The following CNBD1 variants were observed in gnomAD, a reference collection of about 807,000 sequenced individuals.
The protein encoded by CNBD1 is cyclic nucleotide binding domain containing 1, also known as cyclic nucleotide-binding domain-containing protein 1.
A neutral mutation model predicts 54.4 loss-of-function variants in CNBD1; 71 were observed. The observed-to-expected ratio is 1.30, with a 90% CI of 1.08 to 1.59. CNBD1 has a LOEUF of 1.59. Ranked by LOEUF, CNBD1 falls within the 40% of genes most tolerant of loss-of-function variation. The pLI, the probability that CNBD1 is intolerant of heterozygous loss-of-function variation, is 0.00. For missense variants in CNBD1, 659 were observed against 518.0 expected, an observed-to-expected ratio of 1.27 and a Z score of -2.64; for synonymous variants, 182 against 170.7, an observed-to-expected ratio of 1.07 and a Z score of -0.51.
intron 4 of CNBD1, among the ~76,000 whole-genome samples, chr8:87,121,166 C>G (rs1186418665): frequency 1.3e-5 from 2 of 151,502 alleles, no homozygotes; most frequent in Non-Finnish European, 3.0e-5. Flanking sequence ...GTAAAAGGCC[C>G]TACAGTTAAA....
chr8:87,397,205 A>G (rs925009290), intron 2 of CNBD1, among the ~76,000 whole-genome samples: 1 of 151,794 alleles, frequency 6.6e-6, no homozygotes, highest in African/African-American at 2.4e-5. Context: ...CAGAGCTGCA[A>G]AGTTTATTTA....
At chr8:87,364,927 A>C (rs931728791) in intron 10 of CNBD1, among the ~76,000 whole-genome samples, 1 of 152,062 alleles carries the variant, frequency 6.6e-6, no homozygotes, top group African/African-American at 2.4e-5. Flanking sequence ...TGTCTTTGCT[A>C]TTATGAGCAG....
intron 4 of CNBD1, among the ~76,000 whole-genome samples, chr8:86,954,617 C>T (rs1807712649): frequency 1.3e-5 from 2 of 152,180 alleles, no homozygotes; most frequent in Admixed American, 6.5e-5. Context: ...ACATTTTACT[C>T]TCCTTACACA....
chr8:87,346,661 T>A (rs1810182295), intron 8 of CNBD1, among the ~76,000 whole-genome samples: 1 of 152,162 alleles, frequency 6.6e-6, no homozygotes, highest in Admixed American at 6.5e-5. Context: ...ATAGTGACTA[T>A]GTGCTGATAT....
Position 87,376,668 on chromosome 8 carries a change from A to AT in CNBD1, c.1304-5951dup, listed in dbSNP as rs368574994. 3.0e-3 allele frequency among the ~76,000 whole-genome samples: 460 copies of AT among 152,104 alleles called. 5 individuals carry two copies. The highest frequency in any genetic ancestry group is 9.9e-3 in the African/African-American group (413 of 41,546). ...ATAGCTAAAGCAGTGATTATTTACT[A>AT]TATTAAAGTGTTTTTCTGCATTATT... On this transcript the variant is annotated intron_variant, in intron 10 of 10. Transcript: ENST00000518476.
chr8:86,979,768 A>T (rs1192694298), intron 4 of CNBD1, among the ~76,000 whole-genome samples: 1 of 152,182 alleles, frequency 6.6e-6, no homozygotes, highest in African/African-American at 2.4e-5. Context: ...TACAAACATT[A>T]TGTCAAAGGC....
chr8:87,230,844 A>G (rs1563516830), intron 5 of CNBD1, among the ~76,000 whole-genome samples: 1 of 152,248 alleles, frequency 6.6e-6, no homozygotes, highest in Non-Finnish European at 1.5e-5. Flanking sequence ...CCCACTTGTC[A>G]TTAAGATCTG....
At chr8:87,410,702 A>C (rs1586085619) in intron 2 of CNBD1, among the ~76,000 whole-genome samples, 1 of 152,120 alleles carries the variant, frequency 6.6e-6, no homozygotes, top group East Asian at 1.9e-4. Flanking sequence ...CTGTGGGTAA[A>C]ATGCCATCAA....
At chr8:87,123,658 A>C (rs947961397) in intron 4 of CNBD1, among the ~76,000 whole-genome samples, 1 of 151,708 alleles carries the variant, frequency 6.6e-6, no homozygotes, top group African/African-American at 2.4e-5. Context: ...ACAAGAAAAT[A>C]GTAAAAACCA....
At chr8:86,924,184 A>T (rs1809321096) in intron 3 of CNBD1, among the ~76,000 whole-genome samples, 1 of 152,164 alleles carries the variant, frequency 6.6e-6, no homozygotes, top group African/African-American at 2.4e-5. Flanking sequence ...AGAAGTTTGC[A>T]ATGAAAGGAA....
intron 1 of CNBD1, among the ~76,000 whole-genome samples, chr8:86,876,454 A>C (rs4458895): frequency 0.48 from 72,426 of 151,414 alleles, 17,553 homozygotes; most frequent in East Asian, 0.56. Context: ...TGAGTACTTA[A>C]GCTATTCTTT....
chr8:87,258,028 A>C (rs1165344167), intron 6 of CNBD1, among the ~76,000 whole-genome samples: 1 of 152,148 alleles, frequency 6.6e-6, no homozygotes, highest in Admixed American at 6.6e-5. Context: ...TATAACCTGA[A>C]GATTAAACAT....
At position 87,166,828 on chromosome 8, in the gene CNBD1, A is replaced by G. The variant is rs145678519; in HGVS notation, c.432-39165A>G. 6.6e-6 allele frequency among the ~76,000 whole-genome samples: 1 copy of G among 151,996 alleles called. No individual in the cohort carries two copies. The highest frequency in any genetic ancestry group is 1.9e-4 in the East Asian group (1 of 5,170). ...AACACCCTATGTCAGGCATTCTGCA[A>G]CCCCACCACAAACTCATAATTGTTC... is the stretch of plus-strand genomic sequence containing the variant. On this transcript the variant is annotated intron_variant, in intron 4 of 10. Transcript: ENST00000518476. The surrounding 1 kb of genome is among the most constrained non-coding windows in gnomAD (Gnocchi z 4.3).
intron 5 of CNBD1, among the ~76,000 whole-genome samples, chr8:87,207,126 G>A (rs1253294989): frequency 7.2e-5 from 11 of 152,046 alleles, no homozygotes; most frequent in Admixed American, 7.2e-4. Context: ...TTTTAAAGGG[G>A]ATAAAATAAT....
intron 9 of CNBD1, among the ~76,000 whole-genome samples, chr8:87,353,345 G>A (rs1810345973): frequency 6.6e-6 from 1 of 152,184 alleles, no homozygotes; most frequent in East Asian, 1.9e-4. Flanking sequence ...TGATATCCTA[G>A]ATCCTTGAAA....
chr8:86,982,229 A>G (rs752625622), intron 4 of CNBD1, among the ~76,000 whole-genome samples: 1 of 152,020 alleles, frequency 6.6e-6, no homozygotes, highest in South Asian at 2.1e-4. Flanking sequence ...ACTTCTTTGT[A>G]TATCTTCTTC....
chr8:87,093,075 T>C (rs1043407195), intron 4 of CNBD1, among the ~76,000 whole-genome samples: 2 of 152,202 alleles, frequency 1.3e-5, no homozygotes, highest in African/African-American at 4.8e-5. Context: ...CACAATCTTT[T>C]CTTCTCCCTC....
intron 3 of CNBD1, 92 bp downstream of exon 3, chr8:86,905,286 A>G: frequency 1.4e-6 from 1 of 725,076 alleles, no homozygotes; most frequent in South Asian, 1.9e-5. Flanking sequence ...AAAATATTTG[A>G]CCAGTTTCAG....
chr8:87,223,054 CTTT>C (rs34784758), intron 5 of CNBD1, among the ~76,000 whole-genome samples: 1 of 137,996 alleles, frequency 7.2e-6, no homozygotes, highest in Non-Finnish European at 1.6e-5. Context: ...TCTGATTTTT[CTTT>C]TTTTTTTTTT....
Sources: allele counts gnomAD v4.1 joint callset (sites outside exome capture counted in the v4.1 genomes callset), GRCh38; gene constraint gnomAD v4.1.1; non-coding constraint Gnocchi (gnomAD v3.1); transcripts MANE v1.5; gene names NCBI Gene and HGNC (gene_info 2026-07-23, HGNC 2026-07-21).